The following SYNE1 variants were observed in gnomAD, a reference collection of about 807,000 sequenced individuals.
The protein encoded by SYNE1 is spectrin repeat containing nuclear envelope protein 1.
Under a neutral mutation model 1,111.0 loss-of-function variants are expected in SYNE1, and 616 were observed. That is an observed-to-expected ratio of 0.55 (90% CI 0.52 to 0.59). The LOEUF (loss-of-function observed/expected upper bound fraction) is 0.59. Among genes scored for constraint, SYNE1 ranks in the 20% least tolerant of loss-of-function variants. The pLI is 0.00. For missense variants in SYNE1, 10,006 were observed against 10,417.0 expected, an observed-to-expected ratio of 0.96 and a Z score of 1.72; for synonymous variants, 3,855 against 3,825.8, an observed-to-expected ratio of 1.01 and a Z score of -0.28.
chr6:152,154,023 C>T (rs983927929), intron 133 of SYNE1, among the ~76,000 whole-genome samples: 3 of 152,120 alleles, frequency 2.0e-5, no homozygotes, highest in South Asian at 2.1e-4. Flanking sequence ...CTAAACATCT[C>T]GAGGAACTTG....
intron 97 of SYNE1, among the ~76,000 whole-genome samples, chr6:152,279,151 T>C (rs576936676): frequency 1.7e-3 from 167 of 97,784 alleles, no homozygotes; most frequent in African/African-American, 8.1e-3. Flanking sequence ...TCTTTTCTTT[T>C]TTTTTTTTTT....
At position 152,348,756 on chromosome 6, in the gene SYNE1, TTTC is replaced by T. The variant is rs1356249483; in HGVS notation, c.11901+1409_11901+1411del. Among the ~76,000 whole-genome samples, 237 of 101,796 alleles carry T rather than the reference TTTC, an allele frequency of 2.3e-3. 1 individual carries two copies. The highest frequency in any genetic ancestry group is 7.5e-3 in the African/African-American group (226 of 30,330). 66.8% of individuals were successfully genotyped at this position (101,796 alleles called of 152,430 possible). On this transcript the variant is annotated intron_variant, in intron 72 of 145. Transcript: ENST00000367255. ...AAATCAAGTTCTAGTGTTTTTTTTT[TTTC>T]CTGTTATATGATGCTAATGACAAGT...
Position 152,362,304 on chromosome 6 carries a change from A to G in SYNE1, c.10165T>C (p.Ser3389Pro). The change falls in exon 64 of 146, where the codon TCC (serine) becomes CCC (proline). Residue 3389 changes from serine (S) to proline (P), a missense_variant. Around this residue, in one of 7 missense-constraint regions of SYNE1, gnomAD observed 4,955 missense variants for 5,017.2 expected, o/e 0.99. Transcript: ENST00000367255. ...CCATCCTGATAACTTGTCCACTTGG[A>G]GAGAGCTCCTTCGAGTTGGCTGAAA... The part of the protein sequence containing the change: ...RCKSQLEGAL[S>P]KWTSYQDGVR... 1 of 1,614,214 alleles carries G rather than the reference A, an allele frequency of 6.2e-7. No homozygotes were observed.
intron 3 of SYNE1, among the ~76,000 whole-genome samples, chr6:152,560,001 A>G (rs1021835307): frequency 5.3e-5 from 8 of 152,208 alleles, no homozygotes; most frequent in Non-Finnish European, 1.2e-4. Context: ...AACAAATTGG[A>G]TAATCTAGAA....
chr6:152,141,630 G>A (rs1012728639), intron 138 of SYNE1, among the ~76,000 whole-genome samples: 14 of 152,044 alleles, frequency 9.2e-5, no homozygotes, highest in Admixed American at 7.2e-4. Context: ...ATGGTGGCAT[G>A]CATCTGTAGT....
chr6:152,392,565 T>A (rs546584011), intron 51 of SYNE1, among the ~76,000 whole-genome samples: 3 of 152,302 alleles, frequency 2.0e-5, no homozygotes, highest in South Asian at 4.2e-4. Context: ...ATGTTTCAAA[T>A]TTTTTTGGAG....
chr6:152,470,071 G>C (rs539323747), intron 16 of SYNE1, among the ~76,000 whole-genome samples: 13 of 152,206 alleles, frequency 8.5e-5, no homozygotes, highest in Non-Finnish European at 1.9e-4. Context: ...AGCATGCTAC[G>C]TATGTAGGAT....
chr6:152,149,499 T>C lies in SYNE1; in HGVS notation c.24620A>G (p.His8207Arg). ...QEVFGRVERY[H>R]KKLIRLPLPD... ...TACAGGCAGGCGGATCAGTTTCTTA[T>C]GGTATCTTTCCACACGCCCGAAGAC... The change falls in exon 136 of 146, where the codon CAT (histidine) becomes CGT (arginine). Residue 8207 changes from histidine to arginine, a missense_variant. Around this residue, in one of 7 missense-constraint regions of SYNE1, gnomAD observed 761 missense variants for 795.5 expected, o/e 0.96. Coordinates refer to ENST00000367255, the MANE Select transcript of SYNE1 (RefSeq NM_182961.4). The C allele has an allele frequency of 5.6e-6, 9 of 1,614,204 alleles. No homozygotes were observed. Among genetic ancestry groups the C allele is most frequent in the Non-Finnish European group, 7.6e-6 (9 of 1,180,040 alleles).
chr6:152,389,251 T>C (rs1168393550), intron 53 of SYNE1, among the ~76,000 whole-genome samples: 1 of 152,200 alleles, frequency 6.6e-6, no homozygotes, highest in Admixed American at 6.5e-5. Context: ...AGTTGCTGTA[T>C]AGGTAAACTC....
chr6:152,522,881 C>T (rs2099146611), intron 5 of SYNE1, among the ~76,000 whole-genome samples: 1 of 151,914 alleles, frequency 6.6e-6, no homozygotes, highest in Non-Finnish European at 1.5e-5. Context: ...TGTCATTTGC[C>T]CACGTTTTGA....
chr6:152,634,428 G>T (rs1028161181), intron 2 of SYNE1, among the ~76,000 whole-genome samples: 1 of 152,136 alleles, frequency 6.6e-6, no homozygotes, highest in African/African-American at 2.4e-5. Context: ...GTCTTTTGCT[G>T]AAGAGAGTTC....
chr6:152,449,619 T>C lies in SYNE1; in HGVS notation c.3418A>G (p.Ile1140Val). The change falls in exon 28 of 146, where the codon ATA becomes GTA. Residue 1140 changes from isoleucine to valine, a missense_variant. Physicochemically the swap from Ile to Val is conservative, Grantham distance 29. Coordinates refer to ENST00000367255, the MANE Select transcript of SYNE1 (RefSeq NM_182961.4). Reference sequence around the variant, plus strand: ...TTTAATTGTGTCTCATTTGTAGATATCCAAGATGAGAACTCAGAGAATCTG... The same window carrying C: ...TTTAATTGTGTCTCATTTGTAGATACCCAAGATGAGAACTCAGAGAATCTG... ...TSRFSEFSSWISTNETQLKGI... is the reference protein window; with the variant it reads ...TSRFSEFSSWVSTNETQLKGI... 1.9e-6 allele frequency: 3 copies of C among 1,613,766 alleles called. No homozygotes were observed. Among genetic ancestry groups the C allele is most frequent in the East Asian group, 4.5e-5 (2 of 44,862 alleles).
intron 4 of SYNE1, among the ~76,000 whole-genome samples, chr6:152,528,064 T>C (rs1001962593): frequency 7.2e-5 from 11 of 152,198 alleles, no homozygotes; most frequent in Admixed American, 5.9e-4. Flanking sequence ...ATTCTCTCCC[T>C]GATCTGTTCC....
intron 77 of SYNE1, among the ~76,000 whole-genome samples, chr6:152,333,466 A>G (rs2096297260): frequency 6.6e-6 from 1 of 152,198 alleles, no homozygotes; most frequent in Non-Finnish European, 1.5e-5. Flanking sequence ...CTTTGAGGTC[A>G]CAGAGAAAAT....
chr6:152,417,415 A>T (rs530539163), intron 40 of SYNE1, among the ~76,000 whole-genome samples: 3 of 152,030 alleles, frequency 2.0e-5, no homozygotes, highest in Non-Finnish European at 2.9e-5. Flanking sequence ...GGAGAATGGC[A>T]TGAACCCGGG....
chr6:152,633,257 C>A (rs2129027343), intron 2 of SYNE1, among the ~76,000 whole-genome samples: 1 of 152,284 alleles, frequency 6.6e-6, no homozygotes, highest in South Asian at 2.1e-4. Context: ...ATAGTCCCTG[C>A]ACCATCTCCA....
chr6:152,426,192 T>C (rs190612371), intron 38 of SYNE1, among the ~76,000 whole-genome samples: 1 of 152,312 alleles, frequency 6.6e-6, no homozygotes, highest in East Asian at 1.9e-4. Flanking sequence ...AATAGATAGG[T>C]AATAATAATA....
chr6:152,389,082 A>G (rs567972298), intron 53 of SYNE1, among the ~76,000 whole-genome samples: 1 of 152,080 alleles, frequency 6.6e-6, no homozygotes, highest in Admixed American at 6.5e-5. Context: ...AATAATAACA[A>G]CAACAAAAAA....
chr6:152,308,810 C>T (rs975692728), intron 90 of SYNE1, among the ~76,000 whole-genome samples, 178 bp from the exon 91 acceptor site: 1 of 152,262 alleles, frequency 6.6e-6, no homozygotes, highest in Non-Finnish European at 1.5e-5. Context: ...AGAACTTTCT[C>T]TCTAAAATGT....
Sources: allele counts gnomAD v4.1 joint callset (sites outside exome capture counted in the v4.1 genomes callset), GRCh38; gene constraint gnomAD v4.1.1; regional missense constraint gnomAD v4.1.1; transcripts MANE v1.5; gene names NCBI Gene and HGNC (gene_info 2026-07-23, HGNC 2026-07-21).